ANO2: variants seen among roughly 807,000 people sequenced by gnomAD.
ANO2 encodes anoctamin 2.
A neutral mutation model predicts 124.2 loss-of-function variants in ANO2; 101 were observed. The observed-to-expected ratio is 0.81, with a 90% CI of 0.69 to 0.96. The LOEUF is 0.96. Ranked by LOEUF, ANO2 falls within the 40% of genes least tolerant of loss-of-function variation. The pLI, the probability that ANO2 is intolerant of heterozygous loss-of-function variation, is 0.00. For missense variants in ANO2, 1,293 were observed against 1,274.5 expected, an observed-to-expected ratio of 1.01 and a Z score of -0.22; for synonymous variants, 486 against 482.5, an observed-to-expected ratio of 1.01 and a Z score of -0.09.
chr12:5,739,258 A>G lies in ANO2; in HGVS notation c.1434+59T>C, dbSNP rs950624151. Reference sequence around the variant, plus strand: ...ATCTCACTCAAGAGAGTCCATTTCCAGGGTCAAAACAAAGCAAAAGCCCAC... The same window carrying G: ...ATCTCACTCAAGAGAGTCCATTTCCGGGGTCAAAACAAAGCAAAAGCCCAC... On this transcript the variant is annotated intron_variant, in intron 13 of 24. Coordinates refer to ENST00000682330, the MANE Select transcript of ANO2 (RefSeq NM_001364791.2). 4.9e-6 allele frequency: 7 copies of G among 1,434,506 alleles called. No homozygotes were observed. In the African/African-American group the frequency reaches 9.9e-5, roughly 20 times the overall value. 88.9% of individuals were successfully genotyped at this position (1,434,506 alleles called of 1,614,324 possible). A position where few individuals can be genotyped will look rare whatever the true frequency, so the allele number is the denominator to read the frequency against.
rs560725974 is a variant in ANO2 at position 5,589,967 on chromosome 12, A to T, written c.2233+9517T>A. ...ACACCGGAGGGATATGACCAACACT[A>T]CACCTCGGAAGGAATAAATGAGGCA... On this transcript the variant is annotated intron_variant, in intron 20 of 24. Coordinates refer to ENST00000682330, the MANE Select transcript of ANO2 (RefSeq NM_001364791.2). Among the ~76,000 whole-genome samples, 48 of 152,062 alleles carry T rather than the reference A, an allele frequency of 3.2e-4. 1 individual carries two copies. Among genetic ancestry groups the T allele is most frequent in the Non-Finnish European group, 6.0e-4 (41 of 68,006 alleles).
At chr12:5,810,164 T>C (rs1433984340) in intron 7 of ANO2, among the ~76,000 whole-genome samples, 1 of 152,110 alleles carries the variant, frequency 6.6e-6, no homozygotes, top group East Asian at 1.9e-4. Flanking sequence ...ATCCTATGGG[T>C]GATCCCAATC....
rs1941562217 is a variant in ANO2 at position 5,563,459 on chromosome 12, A to C, written c.2837T>G (p.Leu946Arg). ...CTTGAGCTTCTCATGCTCCTCTTTC[A>C]GGAAGAAATCCACTAATAAGCTCTT... is the stretch of plus-strand genomic sequence containing the variant. ...KEKSLLVDFF[L>R]KEEHEKLKLM... Residue 946 changes from leucine (L) to arginine (R), a missense_variant, in exon 25 of 25, where the codon CTG becomes CGG. Coordinates refer to ENST00000682330, the MANE Select transcript of ANO2 (RefSeq NM_001364791.2). 6.2e-7 allele frequency: 1 copy of C among 1,613,728 alleles called. No homozygotes were observed. The highest frequency in any genetic ancestry group is 8.5e-7 in the Non-Finnish European group (1 of 1,179,858).
intron 4 of ANO2, among the ~76,000 whole-genome samples, chr12:5,847,810 C>T (rs1460530510): frequency 6.6e-6 from 1 of 152,182 alleles, no homozygotes; most frequent in Non-Finnish European, 1.5e-5. Context: ...AGTGTGGAAA[C>T]ACCAATTTTT....
At chr12:5,797,403 G>C (rs1443684533) in intron 10 of ANO2, among the ~76,000 whole-genome samples, 1 of 152,162 alleles carries the variant, frequency 6.6e-6, no homozygotes, top group Non-Finnish European at 1.5e-5. Context: ...AGAAGAGGAA[G>C]GAGAGGACTT....
intron 19 of ANO2, among the ~76,000 whole-genome samples, chr12:5,604,282 T>TGAG (rs908746033): frequency 3.3e-5 from 5 of 149,266 alleles, no homozygotes; most frequent in African/African-American, 7.4e-5. Context: ...TTGATGAGGA[T>TGAG]GAGGAGGAGG....
intron 1 of ANO2, among the ~76,000 whole-genome samples, chr12:5,936,768 A>G (rs1942669529): frequency 6.6e-6 from 1 of 152,228 alleles, no homozygotes; most frequent in South Asian, 2.1e-4. Flanking sequence ...TTTAACTACT[A>G]CATTTACATC....
Position 5,578,013 on chromosome 12 carries a change from A to G in ANO2, c.2387-6T>C. On this transcript the variant is annotated splice_polypyrimidine_tract_variant and splice_region_variant and intron_variant, in intron 21 of 24. Coordinates refer to ENST00000682330, the MANE Select transcript of ANO2 (RefSeq NM_001364791.2). ...GAGAATGTCAAACCAGATTCCTACA[A>G]GACAGAAAAGACAGCGTCTGGCTCA... 6.2e-7 allele frequency: 1 copy of G among 1,613,620 alleles called. No homozygotes were observed.
At chr12:5,711,157 CAA>C (rs200477878) in intron 14 of ANO2, among the ~76,000 whole-genome samples, 13 of 92,796 alleles carry the variant, frequency 1.4e-4, no homozygotes, top group African/African-American at 1.3e-4. Flanking sequence ...GACTCTGTCT[CAA>C]AAAAAAAAAA....
rs78324707 is a variant in ANO2, at chr12:5,636,533, G to A, written c.1621-1186C>T. Among the ~76,000 whole-genome samples the A allele has an allele frequency of 2.6e-3, 384 of 149,858 alleles. 2 individuals are homozygous for A. Among genetic ancestry groups the A allele is most frequent in the African/African-American group, 9.0e-3 (370 of 40,992 alleles). On this transcript the variant is annotated intron_variant, in intron 15 of 24. Coordinates refer to ENST00000682330, the MANE Select transcript of ANO2 (RefSeq NM_001364791.2). The surrounding 1 kb of genome is among the most constrained non-coding windows in gnomAD (Gnocchi z 4.6). ...ACAGAGAATGGGCACTGGCTATGAA[G>A]GACTAAATAGAAAACGTAGGGAGAG...
At chr12:5,588,075 C>T (rs779481323) in intron 20 of ANO2, among the ~76,000 whole-genome samples, 11 of 151,766 alleles carry the variant, frequency 7.2e-5, no homozygotes, top group Admixed American at 1.3e-4. Context: ...AGAGCTGGGC[C>T]GGGGATCACC....
chr12:5,629,701 A>G (rs1171928007), intron 16 of ANO2, among the ~76,000 whole-genome samples: 1 of 152,046 alleles, frequency 6.6e-6, no homozygotes, highest in Non-Finnish European at 1.5e-5. Context: ...CCACCCATCC[A>G]CTGGAATCCT....
rs1490488427 is a variant in ANO2, at chr12:5,612,642, A to G, written c.2087+14T>C. 1.2e-6 allele frequency: 2 copies of G among 1,610,524 alleles called. No homozygotes were observed. The highest frequency in any genetic ancestry group is 1.7e-6 in the Non-Finnish European group (2 of 1,176,820). On this transcript the variant is annotated intron_variant, in intron 19 of 24. Coordinates refer to ENST00000682330, the MANE Select transcript of ANO2 (RefSeq NM_001364791.2). ...TGGCAGCAAGGAGAGAGGTTAGAGG[A>G]GTTCATTACATACGGGACTCCAATC... is the stretch of plus-strand genomic sequence containing the variant.
chr12:5,857,812 A>AGATT (rs1565728084), intron 3 of ANO2, among the ~76,000 whole-genome samples: 1 of 150,888 alleles, frequency 6.6e-6, no homozygotes, highest in Non-Finnish European at 1.5e-5. Context: ...ATAGATAGAT[A>AGATT]GATAGATGCC....
chr12:5,670,991 C>T (rs1947970531), intron 14 of ANO2, among the ~76,000 whole-genome samples: 1 of 152,146 alleles, frequency 6.6e-6, no homozygotes, highest in Admixed American at 6.5e-5. Context: ...GCCCAGGTTC[C>T]CTGCCTCCAT....
chr12:5,886,800 C>G (rs1360690560), intron 3 of ANO2, among the ~76,000 whole-genome samples: 3 of 151,964 alleles, frequency 2.0e-5, no homozygotes, highest in Admixed American at 6.6e-5. Context: ...AACATGGATA[C>G]ACTTTGAAGA....
chr12:5,567,694 T>C (rs1216093057), intron 23 of ANO2, among the ~76,000 whole-genome samples: 1 of 152,250 alleles, frequency 6.6e-6, no homozygotes, highest in East Asian at 1.9e-4. Context: ...AATAATCTAA[T>C]TCTGGTTCCA....
At chr12:5,796,620 C>T (rs751425522) in intron 10 of ANO2, among the ~76,000 whole-genome samples, 6 of 152,164 alleles carry the variant, frequency 3.9e-5, no homozygotes, top group Admixed American at 6.5e-5. Context: ...GAGGCAGGAT[C>T]GGGAGGAGAG....
At chr12:5,754,886 G>C (rs2137097910) in intron 10 of ANO2, among the ~76,000 whole-genome samples, 1 of 151,788 alleles carries the variant, frequency 6.6e-6, no homozygotes, top group Admixed American at 6.6e-5. Context: ...TTGTTTTTCT[G>C]TTTTCATATC....
Sources: gnomAD v4.1 joint callset for allele counts (sites outside exome capture counted in the v4.1 genomes callset) on GRCh38, gnomAD v4.1.1 for gene constraint, Gnocchi (gnomAD v3.1) non-coding constraint, MANE v1.5 for transcripts, NCBI Gene and HGNC (gene_info 2026-07-23, HGNC 2026-07-21) for gene names.